RICTOR: variants seen among roughly 807,000 people sequenced by gnomAD.
The protein encoded by RICTOR is rapamycin-insensitive companion of mTOR.
RICTOR carries 49 observed loss-of-function variants against 214.9 expected under a neutral mutation model. The ratio of observed to expected loss-of-function variants is 0.23; its 90% CI spans 0.18 to 0.29. The LOEUF (loss-of-function observed/expected upper bound fraction) is 0.29. RICTOR is among the 10% of genes least tolerant of loss of function. The pLI, the probability that RICTOR is intolerant of heterozygous loss-of-function variation, is 1.00. For synonymous variants in RICTOR, 717 were observed against 711.3 expected (o/e 1.01, Z -0.13); for missense variants, 1,625 against 2,047.0 (o/e 0.79, Z 3.98).
At chr5:39,044,010 G>A (rs552159207) in intron 2 of RICTOR, among the ~76,000 whole-genome samples, 11 of 152,176 alleles carry the variant, frequency 7.2e-5, no homozygotes, top group Admixed American at 4.6e-4. Flanking sequence ...TTTTATAAGC[G>A]ACAGAAAACT....
At chr5:38,943,115 A>AT (rs1747772581) in intron 36 of RICTOR, 144 bp from the exon 37 acceptor site, 2 of 502,680 alleles carry the variant, frequency 4.0e-6, no homozygotes, top group Non-Finnish European at 7.0e-6. Context: ...AGAATATAAA[A>AT]TATTAAATAT....
chr5:39,003,373 A>G (rs1477316537), intron 4 of RICTOR, among the ~76,000 whole-genome samples, 185 bp downstream of exon 4: 4 of 152,194 alleles, frequency 2.6e-5, no homozygotes, highest in Non-Finnish European at 5.9e-5. Flanking sequence ...TAGTAATTAG[A>G]AAATATCACA....
chr5:38,946,385 T>C, intron 33 of RICTOR, 83 bp downstream of exon 33: 1 of 818,974 alleles, frequency 1.2e-6, no homozygotes, highest in Non-Finnish European at 2.0e-6. Context: ...CCTAAATTTT[T>C]AGTGTTATCC....
intron 2 of RICTOR, among the ~76,000 whole-genome samples, chr5:39,065,333 G>C (rs1758824732): frequency 6.6e-6 from 1 of 152,098 alleles, no homozygotes; most frequent in Non-Finnish European, 1.5e-5. Flanking sequence ...ACAGCACCAA[G>C]CCATGAGGGA....
intron 30 of RICTOR, 26 bp downstream of exon 30, chr5:38,952,168 CTT>C: frequency 7.7e-7 from 1 of 1,300,642 alleles, no homozygotes; most frequent in Non-Finnish European, 1.1e-6. Flanking sequence ...CATTGGCTAA[CTT>C]TATATGAACC....
intron 30 of RICTOR, among the ~76,000 whole-genome samples, chr5:38,951,740 T>C (rs985047694): frequency 5.9e-5 from 9 of 152,152 alleles, no homozygotes; most frequent in Admixed American, 2.0e-4. Flanking sequence ...CTATTTTTGT[T>C]ACTCTATTAA....
At chr5:38,981,784 ATCTAT>A in intron 8 of RICTOR, 78 bp downstream of exon 8, 1 of 882,034 alleles carries the variant, frequency 1.1e-6, no homozygotes, top group Non-Finnish European at 1.7e-6. Flanking sequence ...GTGGTGCTGC[ATCTAT>A]AAAATTTAGT....
At chr5:39,000,405 CA>C (rs1162978350) in intron 5 of RICTOR, among the ~76,000 whole-genome samples, 2 of 151,504 alleles carry the variant, frequency 1.3e-5, no homozygotes, top group African/African-American at 4.8e-5. Flanking sequence ...AACATAGGTG[CA>C]AAAATCTATA....
chr5:39,052,248 C>T (rs1425598141), intron 2 of RICTOR, among the ~76,000 whole-genome samples: 1 of 152,054 alleles, frequency 6.6e-6, no homozygotes, highest in African/African-American at 2.4e-5. Context: ...TGGTGGTATG[C>T]GTGTATAGTC....
chr5:39,000,527 T>G (rs1480970922), intron 5 of RICTOR, among the ~76,000 whole-genome samples: 1 of 151,960 alleles, frequency 6.6e-6, no homozygotes, highest in East Asian at 1.9e-4. Flanking sequence ...AGTAAAAGCT[T>G]ATAGAAAGTA....
chr5:39,067,879 C>T (rs899112837), intron 2 of RICTOR, among the ~76,000 whole-genome samples: 2 of 152,126 alleles, frequency 1.3e-5, no homozygotes, highest in Non-Finnish European at 2.9e-5. Context: ...TTTCCCATGT[C>T]TCTCACTCCC....
rs1428007561 is a variant in RICTOR at position 38,942,914 on chromosome 5, G to C, written c.4971C>G (p.Ser1657=). 6.2e-7 allele frequency: 1 copy of C among 1,607,070 alleles called. No individual in the cohort carries two copies. The highest frequency in any genetic ancestry group is 1.3e-5 in the African/African-American group (1 of 74,710). The change falls in exon 37 of 38, where the codon TCC becomes TCG. Residue 1657 remains serine, a synonymous_variant. Coordinates refer to ENST00000357387, the MANE Select transcript of RICTOR (RefSeq NM_152756.5). The part of the protein sequence containing the change: ...FDDICLYSEV[S]HLLSHCTFRL... ...TGAATGTGCAGTGTGACAGCAAATGGGAAACCTCAGAGTAAAGGCATATGT... is the reference window on the plus strand; with the variant it reads ...TGAATGTGCAGTGTGACAGCAAATGCGAAACCTCAGAGTAAAGGCATATGT...
At chr5:39,073,899 C>A (rs1328721685) in intron 2 of RICTOR, among the ~76,000 whole-genome samples, 1 of 152,052 alleles carries the variant, frequency 6.6e-6, no homozygotes, top group Non-Finnish European at 1.5e-5. Flanking sequence ...CGGAGAAGGG[C>A]TCGGGCGAGG....
chr5:38,978,549 A>T (rs2150054644), intron 9 of RICTOR, 34 bp downstream of exon 9: 1 of 1,109,516 alleles, frequency 9.0e-7, no homozygotes, highest in Non-Finnish European at 1.3e-6. Flanking sequence ...CATATACATT[A>T]TCTTAAAAAT....
At chr5:38,983,972 A>G (rs1171693230) in intron 7 of RICTOR, among the ~76,000 whole-genome samples, 1 of 152,108 alleles carries the variant, frequency 6.6e-6, no homozygotes, top group East Asian at 1.9e-4. Flanking sequence ...CTCAAAAACA[A>G]AAACAAAACA....
At chr5:39,051,066 C>G (rs796658153) in intron 2 of RICTOR, among the ~76,000 whole-genome samples, 2 of 151,592 alleles carry the variant, frequency 1.3e-5, no homozygotes, top group African/African-American at 4.8e-5. Context: ...CACACACACG[C>G]ACCTACACAC....
rs185722963 is a variant in RICTOR, at chr5:38,974,881, T to G, written c.889+656A>C. 2.0e-5 allele frequency among the ~76,000 whole-genome samples: 3 copies of G among 152,330 alleles called. No individual in the cohort carries two copies. In the East Asian group the frequency reaches 5.8e-4, roughly 29 times the overall value. On this transcript the variant is annotated intron_variant, in intron 10 of 37. Coordinates refer to ENST00000357387, the MANE Select transcript of RICTOR (RefSeq NM_152756.5). ...AGAAATGTTTAGGTGAATTTCCTTT[T>G]TTTGCTTATTGCTACTTCTTTTCCA...
chr5:39,023,719 G>C (rs1755604441), intron 2 of RICTOR, among the ~76,000 whole-genome samples: 1 of 152,220 alleles, frequency 6.6e-6, no homozygotes, highest in Non-Finnish European at 1.5e-5. Context: ...CTCATCAAAT[G>C]AAACGGTTTG....
At chr5:38,963,184 G>A in intron 16 of RICTOR, 143 bp from the exon 17 acceptor site, 4 of 565,232 alleles carry the variant, frequency 7.1e-6, no homozygotes, top group African/African-American at 1.9e-5. Context: ...AATTTGGAGA[G>A]ACAAATACAA....
Sources: allele counts gnomAD v4.1 joint callset (sites outside exome capture counted in the v4.1 genomes callset), GRCh38; gene constraint gnomAD v4.1.1; transcripts MANE v1.5; gene names NCBI Gene and HGNC (gene_info 2026-07-23, HGNC 2026-07-21).